ZNF438: variants seen among roughly 807,000 people sequenced by gnomAD.
ZNF438 encodes the protein zinc finger protein 438.
ZNF438 carries 25 observed loss-of-function variants against 38.0 expected under a neutral mutation model. The observed-to-expected ratio is 0.66, with a 90% CI of 0.48 to 0.92. The LOEUF is 0.92. Ranked by LOEUF, ZNF438 falls within the 40% of genes least tolerant of loss-of-function variation. The probability of loss-of-function intolerance (pLI) is 0.00; values close to 1 mark genes in which losing one functional copy is unlikely to be tolerated. For synonymous variants in ZNF438, 372 were observed against 364.1 expected (o/e 1.02, Z -0.25); for missense variants, 1,007 against 999.6 (o/e 1.01, Z -0.10).
chr10:30,924,665 C>T (rs758892557), intron 2 of ZNF438, among the ~76,000 whole-genome samples: 2 of 152,094 alleles, frequency 1.3e-5, no homozygotes, highest in South Asian at 2.1e-4. Flanking sequence ...AATGAGAAAA[C>T]ACCAAACTCA....
At chr10:30,849,912 G>A in exon 5 of ZNF438, 1 of 1,614,192 alleles carries the variant, frequency 6.2e-7, no homozygotes, top group South Asian at 1.1e-5. Flanking sequence ...TCAGGGTGGT[G>A]AGGTGGGGAA....
chr10:31,012,723 T>C lies in ZNF438; in HGVS notation c.-192+19110A>G, dbSNP rs2055824975. Among the ~76,000 whole-genome samples, 3 of 152,326 alleles carry C rather than the reference T, an allele frequency of 2.0e-5. No homozygotes were observed. The East Asian group carries it at 5.8e-4, about 29-fold the overall frequency. On this transcript the variant is annotated intron_variant, in intron 1 of 5. Coordinates refer to ENST00000413025, the Ensembl canonical transcript of ZNF438. Reference sequence around the variant, plus strand: ...ACTCTCTCTTTCCCACTTCACTCTCTATCTTTCCTAATCCATTAACCATCC... The same window carrying C: ...ACTCTCTCTTTCCCACTTCACTCTCCATCTTTCCTAATCCATTAACCATCC...
chr10:30,935,308 C>T (rs897251537), intron 2 of ZNF438, among the ~76,000 whole-genome samples: 2 of 152,210 alleles, frequency 1.3e-5, no homozygotes, highest in African/African-American at 4.8e-5. Context: ...TTCTTTGGCT[C>T]ATGGTTCTGC....
At chr10:31,028,946 A>G (rs1401772522) in intron 1 of ZNF438, among the ~76,000 whole-genome samples, 3 of 152,204 alleles carry the variant, frequency 2.0e-5, no homozygotes. Flanking sequence ...TCTTTCTCCC[A>G]CAGACAACCA....
chr10:30,866,635 C>A (rs1031404796), intron 4 of ZNF438, among the ~76,000 whole-genome samples: 10 of 152,074 alleles, frequency 6.6e-5, no homozygotes, highest in Admixed American at 5.2e-4. Flanking sequence ...GAGATCGAGA[C>A]CATCCTGGCT....
chr10:30,907,014 G>A lies in ZNF438; in HGVS notation c.-32+1919C>T, dbSNP rs146059575. Among the ~76,000 whole-genome samples the A allele has an allele frequency of 1.5e-4, 23 of 152,186 alleles. No individual in the cohort carries two copies. The East Asian group carries it at 1.5e-3, about 10-fold the overall frequency. ...TTTAAGACATAGTCTTGCTCTTGTC[G>A]CCCAGGCTGGAGTGCAATGGTGTAA... On this transcript the variant is annotated intron_variant, in intron 3 of 5. Transcript: ENST00000413025.
At chr10:30,947,409 A>C (rs1429032665) in intron 1 of ZNF438, among the ~76,000 whole-genome samples, 2 of 152,268 alleles carry the variant, frequency 1.3e-5, no homozygotes, top group African/African-American at 4.8e-5. Flanking sequence ...ATAAAATCTT[A>C]AAACATTGCT....
chr10:30,874,055 T>C (rs1328550146), intron 4 of ZNF438, among the ~76,000 whole-genome samples: 8 of 148,510 alleles, frequency 5.4e-5, no homozygotes. Flanking sequence ...ATTATGTACA[T>C]GCAATTAAAC....
At chr10:30,968,701 CA>C (rs1242505834) in intron 1 of ZNF438, among the ~76,000 whole-genome samples, 1 of 152,040 alleles carries the variant, frequency 6.6e-6, no homozygotes, top group Non-Finnish European at 1.5e-5. Flanking sequence ...CTAGCCCTCC[CA>C]AAGTGCTGGG....
intron 3 of ZNF438, among the ~76,000 whole-genome samples, chr10:30,902,094 G>A (rs1023631589): frequency 3.9e-5 from 6 of 152,108 alleles, no homozygotes; most frequent in Admixed American, 2.0e-4. Context: ...TGCATAGAGC[G>A]AAAGAACAAA....
At chr10:30,928,275 T>C (rs530469112) in intron 2 of ZNF438, among the ~76,000 whole-genome samples, 9 of 152,292 alleles carry the variant, frequency 5.9e-5, no homozygotes, top group African/African-American at 1.7e-4. Flanking sequence ...TAGTCAATAA[T>C]AGTCATTGAA....
chr10:30,848,318 C>T (rs2032767346), intron 5 of ZNF438, among the ~76,000 whole-genome samples: 1 of 152,126 alleles, frequency 6.6e-6, no homozygotes, highest in African/African-American at 2.4e-5. Context: ...CAGTACTTTA[C>T]TAGATTGGTT....
rs190304580 is a variant in ZNF438 at position 30,913,703 on chromosome 10, T to C, written c.-114-4688A>G. Reference sequence around the variant, plus strand: ...CAGGCACAAGGGGAAGAAGAATTACTTAGGTAACAATAGGTTATATGAAGA... The same window carrying C: ...CAGGCACAAGGGGAAGAAGAATTACCTAGGTAACAATAGGTTATATGAAGA... On this transcript the variant is annotated intron_variant, in intron 2 of 5. Coordinates refer to ENST00000413025, the Ensembl canonical transcript of ZNF438. 1.3e-3 allele frequency among the ~76,000 whole-genome samples: 200 copies of C among 152,202 alleles called. 2 individuals are homozygous for C. Among genetic ancestry groups the C allele is most frequent in the African/African-American group, 4.5e-3 (186 of 41,532 alleles).
intron 1 of ZNF438, among the ~76,000 whole-genome samples, chr10:30,942,107 A>G (rs2046875398): frequency 1.3e-5 from 2 of 152,222 alleles, no homozygotes; most frequent in Non-Finnish European, 2.9e-5. Context: ...AAGTGACACA[A>G]GGCGCTACGG....
At chr10:30,895,906 G>C (rs530928572) in intron 3 of ZNF438, among the ~76,000 whole-genome samples, 20 of 152,322 alleles carry the variant, frequency 1.3e-4, no homozygotes, top group Non-Finnish European at 2.8e-4. Context: ...CATTGGAAAT[G>C]TAAAATGGTG....
At chr10:30,987,636 G>A (rs1195188469) in intron 1 of ZNF438, among the ~76,000 whole-genome samples, 8 of 151,992 alleles carry the variant, frequency 5.3e-5, no homozygotes, top group Non-Finnish European at 1.2e-4. Context: ...GGGCCCTCCT[G>A]ATGAGATTAA....
intron 3 of ZNF438, among the ~76,000 whole-genome samples, chr10:30,907,973 T>G (rs1180185048): frequency 1.3e-5 from 2 of 152,132 alleles, no homozygotes; most frequent in Admixed American, 6.5e-5. Context: ...AGCTATAAAT[T>G]TCTCTCTAAA....
At chr10:30,856,938 C>A (rs1321769997) in intron 4 of ZNF438, among the ~76,000 whole-genome samples, 1 of 152,084 alleles carries the variant, frequency 6.6e-6, no homozygotes, top group East Asian at 1.9e-4. Flanking sequence ...AAGTGTTGAG[C>A]CCTTATTATG....
intron 1 of ZNF438, among the ~76,000 whole-genome samples, chr10:31,022,774 A>G (rs1316578170): frequency 6.6e-6 from 1 of 152,176 alleles, no homozygotes; most frequent in Non-Finnish European, 1.5e-5. Flanking sequence ...CATCCGCCAT[A>G]TTCACCTGAC....
Sources: gnomAD v4.1 joint callset for allele counts (sites outside exome capture counted in the v4.1 genomes callset) on GRCh38, gnomAD v4.1.1 for gene constraint, MANE v1.5 for transcripts, NCBI Gene and HGNC (gene_info 2026-07-23, HGNC 2026-07-21) for gene names.